CD96: variants seen among roughly 807,000 people sequenced by gnomAD.
The protein encoded by CD96 is T-cell surface protein tactile.
CD96 carries 70 observed loss-of-function variants against 71.3 expected under a neutral mutation model. The ratio of observed to expected loss-of-function variants is 0.98; its 90% CI spans 0.81 to 1.20. CD96 has a LOEUF of 1.20. CD96 is among the 50% of genes most tolerant of loss of function. CD96 has a pLI of 0.00. For synonymous variants in CD96, 248 were observed against 233.0 expected (o/e 1.06, Z -0.59); for missense variants, 742 against 677.5 (o/e 1.10, Z -1.06).
At chr3:111,643,353 A>T (rs1366448817) in intron 12 of CD96, among the ~76,000 whole-genome samples, 1 of 152,210 alleles carries the variant, frequency 6.6e-6, no homozygotes, top group Non-Finnish European at 1.5e-5. Context: ...ACCATCTATG[A>T]CAAACCCACA....
At chr3:111,573,600 G>A (rs1252352232) in intron 3 of CD96, among the ~76,000 whole-genome samples, 1 of 148,628 alleles carries the variant, frequency 6.7e-6, no homozygotes, top group Non-Finnish European at 1.5e-5. Context: ...CCCAAAGTCA[G>A]TGAAAATAAA....
intron 12 of CD96, among the ~76,000 whole-genome samples, chr3:111,641,209 T>C (rs1939573436): frequency 6.6e-6 from 1 of 152,220 alleles, no homozygotes; most frequent in South Asian, 2.1e-4. Context: ...AACAGCAGAA[T>C]GGATAAGAAC....
Position 111,569,317 on chromosome 3 carries a change from A to T in CD96, c.543+1670A>T, listed in dbSNP as rs376230446. On this transcript the variant is annotated intron_variant, in intron 3 of 13. Transcript: ENST00000352690. Reference sequence around the variant, plus strand: ...AATAACTTTCCCAAATGGTTGTAAAACCTACAGTATCTCTTTGTCATCTGT... The same window carrying T: ...AATAACTTTCCCAAATGGTTGTAAATCCTACAGTATCTCTTTGTCATCTGT... Among the ~76,000 whole-genome samples the T allele has an allele frequency of 2.8e-4, 43 of 152,342 alleles. 1 individual carries two copies. The East Asian group carries it at 3.3e-3, about 12-fold the overall frequency.
intron 8 of CD96, chr3:111,612,912 T>G (rs937677601): frequency 1.2e-4 from 58 of 494,802 alleles, no homozygotes; most frequent in Non-Finnish European, 1.4e-4. Context: ...CTCCTGCATC[T>G]GTAGCCCACC....
intron 12 of CD96, among the ~76,000 whole-genome samples, chr3:111,645,289 A>T (rs1012716093): frequency 6.6e-6 from 1 of 152,154 alleles, no homozygotes; most frequent in Non-Finnish European, 1.5e-5. Context: ...CAAACATCAT[A>T]TGTTCTCACT....
intron 3 of CD96, 123 bp from the exon 4 acceptor site, chr3:111,578,904 A>G (rs1353625303): frequency 1.4e-6 from 1 of 717,930 alleles, no homozygotes; most frequent in Non-Finnish European, 2.6e-6. Context: ...ATGTCTTCTA[A>G]TTTCAATCCT....
chr3:111,555,599 GT>G (rs1165699537), intron 2 of CD96, among the ~76,000 whole-genome samples: 4 of 152,406 alleles, frequency 2.6e-5, no homozygotes, highest in African/African-American at 9.6e-5. Context: ...ATGAGCTTTT[GT>G]TTTTGTTTGT....
At chr3:111,569,496 T>C (rs1258550124) in intron 3 of CD96, among the ~76,000 whole-genome samples, 1 of 152,168 alleles carries the variant, frequency 6.6e-6, no homozygotes, top group Non-Finnish European at 1.5e-5. Context: ...GTGAGATAAT[T>C]TCAGGAGGAC....
At chr3:111,594,195 T>TC (rs765406361) in intron 5 of CD96, 21 of 1,590,818 alleles carry the variant, frequency 1.3e-5, no homozygotes, top group Non-Finnish European at 6.0e-6. Flanking sequence ...TCTTCCCGCC[T>TC]CATCATGTCA....
chr3:111,604,282 G>A (rs2107659048), intron 7 of CD96, among the ~76,000 whole-genome samples: 1 of 152,322 alleles, frequency 6.6e-6, no homozygotes, highest in East Asian at 1.9e-4. Context: ...AGGAACAGAT[G>A]AAGTGGCTTT....
intron 2 of CD96, among the ~76,000 whole-genome samples, chr3:111,562,934 C>T (rs1270191306): frequency 1.3e-5 from 2 of 152,154 alleles, no homozygotes; most frequent in East Asian, 1.9e-4. Context: ...CAGACTGATA[C>T]ATTAGAAAGG....
chr3:111,581,942 T>C (rs781715181), intron 4 of CD96, among the ~76,000 whole-genome samples: 50 of 152,108 alleles, frequency 3.3e-4, no homozygotes, highest in Non-Finnish European at 6.6e-4. Flanking sequence ...GGAAGGAAGA[T>C]AAGAAAATGT....
At chr3:111,557,624 T>G (rs1165934573) in intron 2 of CD96, among the ~76,000 whole-genome samples, 1 of 129,760 alleles carries the variant, frequency 7.7e-6, no homozygotes, top group Non-Finnish European at 1.6e-5. Flanking sequence ...TAGTATAGTT[T>G]GAAGTCAGGT....
At chr3:111,585,286 A>G (rs781470342) in intron 4 of CD96, 37 bp from the exon 5 acceptor site, 2 of 1,411,710 alleles carry the variant, frequency 1.4e-6, no homozygotes, top group Admixed American at 1.7e-5. Flanking sequence ...GTAGGATGAC[A>G]TTTGGTGCCA....
At chr3:111,661,574 T>A in intron 14 of CD96, among the ~76,000 whole-genome samples, 1 of 152,224 alleles carries the variant, frequency 6.6e-6, no homozygotes, top group East Asian at 1.9e-4. Context: ...GCTCCCATTC[T>A]GAAAGGGAGA....
At chr3:111,616,010 G>A (rs1483047234) in intron 8 of CD96, among the ~76,000 whole-genome samples, 1 of 151,954 alleles carries the variant, frequency 6.6e-6, no homozygotes, top group African/African-American at 2.4e-5. Flanking sequence ...TTGTTCAAAT[G>A]TCACCTTCTC....
chr3:111,555,591 G>C (rs1289548423), intron 2 of CD96, among the ~76,000 whole-genome samples: 1 of 152,304 alleles, frequency 6.6e-6, no homozygotes, highest in Admixed American at 6.5e-5. Flanking sequence ...TGAATGGGAT[G>C]AGCTTTTGTT....
intron 5 of CD96, among the ~76,000 whole-genome samples, chr3:111,591,030 G>T (rs542347864): frequency 7.2e-5 from 11 of 152,268 alleles, no homozygotes; most frequent in Admixed American, 3.9e-4. Flanking sequence ...GCAGTTTGGG[G>T]TTAAGTTGCC....
intron 8 of CD96, among the ~76,000 whole-genome samples, chr3:111,615,094 A>G (rs1218155690): frequency 6.6e-6 from 1 of 152,242 alleles, no homozygotes; most frequent in Non-Finnish European, 1.5e-5. Flanking sequence ...GCCCTGTATT[A>G]TGGTTCTTAA....
Sources: allele counts gnomAD v4.1 joint callset (sites outside exome capture counted in the v4.1 genomes callset), GRCh38; gene constraint gnomAD v4.1.1; transcripts MANE v1.5; gene names NCBI Gene and HGNC (gene_info 2026-07-23, HGNC 2026-07-21).